Variants in PTPRD observed in about 807,000 individuals in gnomAD.
The protein encoded by PTPRD is protein tyrosine phosphatase receptor type D, also known as receptor-type tyrosine-protein phosphatase delta.
In PTPRD, 34 loss-of-function variants were observed where a neutral mutation model predicts 214.5. The ratio of observed to expected loss-of-function variants is 0.16; its 90% CI spans 0.12 to 0.21. The LOEUF is 0.21. PTPRD is among the 10% of genes least tolerant of loss of function. PTPRD has a pLI of 1.00. For synonymous variants in PTPRD, 1,128 were observed against 845.7 expected, an observed-to-expected ratio of 1.33 and a Z score of -5.79; for missense variants, 2,545 against 2,398.7, an observed-to-expected ratio of 1.06 and a Z score of -1.27.
intron 7 of PTPRD, among the ~76,000 whole-genome samples, chr9:9,667,360 T>G (rs889866858): frequency 3.4e-4 from 52 of 152,106 alleles, no homozygotes; most frequent in Non-Finnish European, 1.0e-4. Context: ...ATGTTTTAAT[T>G]TTCTTATAGT....
chr9:8,779,949 A>G (rs1599551766), intron 11 of PTPRD, among the ~76,000 whole-genome samples: 1 of 152,032 alleles, frequency 6.6e-6, no homozygotes, highest in African/African-American at 2.4e-5. Context: ...TGAACTGAAT[A>G]ATTACTGTTA....
intron 44 of PTPRD, among the ~76,000 whole-genome samples, chr9:8,327,731 T>A (rs1453226794): frequency 6.6e-6 from 1 of 152,172 alleles, no homozygotes; most frequent in Non-Finnish European, 1.5e-5. Context: ...TGTAGAGGGT[T>A]CATATATATT....
chr9:8,495,764 G>A (rs1181533729), intron 26 of PTPRD, among the ~76,000 whole-genome samples: 2 of 152,176 alleles, frequency 1.3e-5, no homozygotes, highest in Non-Finnish European at 2.9e-5. Flanking sequence ...GGTCAAAAAT[G>A]CTGCTGCACT....
At chr9:9,476,000 G>T (rs2095008876) in intron 8 of PTPRD, among the ~76,000 whole-genome samples, 1 of 152,000 alleles carries the variant, frequency 6.6e-6, no homozygotes, top group Non-Finnish European at 1.5e-5. Flanking sequence ...AAAGAGAAAA[G>T]AAAAGTCTCA....
At chr9:10,066,667 T>C (rs57604944) in intron 3 of PTPRD, among the ~76,000 whole-genome samples, 138 of 152,024 alleles carry the variant, frequency 9.1e-4, no homozygotes, top group African/African-American at 3.2e-3. Context: ...CAATGCAATA[T>C]GCCTGAAGGA....
Position 10,514,647 on chromosome 9 carries a change from CT to C in PTPRD, c.-600+97750del, listed in dbSNP as rs567432549. Among the ~76,000 whole-genome samples, 955 of 151,668 alleles carry C rather than the reference CT, an allele frequency of 6.3e-3. 13 individuals are homozygous for C. Among genetic ancestry groups the C allele is most frequent in the African/African-American group, 0.022 (907 of 41,436 alleles). On this transcript the variant is annotated intron_variant, in intron 2 of 45. Coordinates refer to ENST00000381196, the MANE Select transcript of PTPRD (RefSeq NM_002839.4). ...TTTATTTGAATAGTTAACCAAGTGA[CT>C]TTTTTTTCCTCTTGAGAATTTAAAG...
chr9:8,488,976 T>C (rs2097094135), intron 27 of PTPRD, among the ~76,000 whole-genome samples: 2 of 152,214 alleles, frequency 1.3e-5, no homozygotes, highest in African/African-American at 2.4e-5. Flanking sequence ...AACTGCATAA[T>C]AATATATACA....
At chr9:8,623,505 G>C (rs1564790536) in intron 14 of PTPRD, among the ~76,000 whole-genome samples, 1 of 151,844 alleles carries the variant, frequency 6.6e-6, no homozygotes, top group Non-Finnish European at 1.5e-5. Context: ...GTGCCAAAAA[G>C]TTCTGCTTCA....
At position 9,064,235 on chromosome 9, in the gene PTPRD, G is replaced by C. The variant is rs575925269; in HGVS notation, c.-142-45500C>G. On this transcript the variant is annotated intron_variant, in intron 10 of 45. Coordinates refer to ENST00000381196, the MANE Select transcript of PTPRD (RefSeq NM_002839.4). ...ATATTGTTTGTTATTGCTATTTATT[G>C]TGTGTGTCTATTTTTAAAGATACTA... Among the ~76,000 whole-genome samples the C allele has an allele frequency of 7.2e-5, 11 of 152,198 alleles. No individual in the cohort carries two copies. The South Asian group carries it at 1.5e-3, about 20-fold the overall frequency.
Position 8,609,492 on chromosome 9 carries a change from A to C in PTPRD, c.352+23825T>G, listed in dbSNP as rs1287812863. Among the ~76,000 whole-genome samples the C allele has an allele frequency of 5.3e-5, 8 of 152,216 alleles. No individual in the cohort carries two copies. The East Asian group carries it at 1.5e-3, about 29-fold the overall frequency. ...AAATAAACTAAATTAATATGTGACA[A>C]GTATGTAACTGGATGCCTGAATCAG... is the stretch of plus-strand genomic sequence containing the variant. On this transcript the variant is annotated intron_variant, in intron 14 of 45. Coordinates refer to ENST00000381196, the MANE Select transcript of PTPRD (RefSeq NM_002839.4).
chr9:10,138,673 T>C (rs940392328), intron 3 of PTPRD, among the ~76,000 whole-genome samples: 1 of 152,034 alleles, frequency 6.6e-6, no homozygotes, highest in Non-Finnish European at 1.5e-5. Flanking sequence ...GCAAACTGAA[T>C]CCAGCAGCAC....
intron 2 of PTPRD, among the ~76,000 whole-genome samples, chr9:10,521,663 A>C (rs188979496): frequency 6.9e-4 from 105 of 152,248 alleles, no homozygotes; most frequent in African/African-American, 2.1e-3. Context: ...CATCCACCCT[A>C]ACCTTCGACA....
chr9:9,057,441 A>C (rs1011076814), intron 10 of PTPRD, among the ~76,000 whole-genome samples: 1 of 152,208 alleles, frequency 6.6e-6, no homozygotes, highest in Non-Finnish European at 1.5e-5. Context: ...TGGGTGGTTT[A>C]AATGGATTTT....
At chr9:8,991,564 G>T (rs1474372468) in intron 11 of PTPRD, among the ~76,000 whole-genome samples, 1 of 152,078 alleles carries the variant, frequency 6.6e-6, no homozygotes, top group Non-Finnish European at 1.5e-5. Flanking sequence ...TAGTTCATTT[G>T]TGTGGGAGTA....
At chr9:9,478,668 G>C (rs1033120801) in intron 8 of PTPRD, among the ~76,000 whole-genome samples, 1 of 152,024 alleles carries the variant, frequency 6.6e-6, no homozygotes, top group African/African-American at 2.4e-5. Context: ...TGCCAACAAA[G>C]GTTCATAGAG....
chr9:10,078,227 C>T (rs1033861397), intron 3 of PTPRD, among the ~76,000 whole-genome samples: 5 of 151,426 alleles, frequency 3.3e-5, no homozygotes, highest in African/African-American at 1.2e-4. Flanking sequence ...AAGAACCCAC[C>T]TAGGGCCGGG....
At chr9:10,186,086 TA>T (rs2099328988) in intron 3 of PTPRD, among the ~76,000 whole-genome samples, 1 of 121,756 alleles carries the variant, frequency 8.2e-6, no homozygotes, top group African/African-American at 4.5e-5. Context: ...AAATAAACAA[TA>T]TTTTTTTTTT....
chr9:10,470,925 T>A (rs554332183), intron 2 of PTPRD, among the ~76,000 whole-genome samples: 7 of 152,044 alleles, frequency 4.6e-5, no homozygotes, highest in African/African-American at 1.4e-4. Flanking sequence ...AGAAACTGGA[T>A]AAAGAAAATG....
intron 9 of PTPRD, among the ~76,000 whole-genome samples, chr9:9,344,491 A>T (rs1596107692): frequency 6.6e-6 from 1 of 151,988 alleles, no homozygotes; most frequent in Admixed American, 6.6e-5. Flanking sequence ...ACTTAAAGTA[A>T]AATAAAAGTA....
Sources: allele counts gnomAD v4.1 joint callset (sites outside exome capture counted in the v4.1 genomes callset), GRCh38; gene constraint gnomAD v4.1.1; transcripts MANE v1.5; gene names NCBI Gene and HGNC (gene_info 2026-07-23, HGNC 2026-07-21).